The following ATP1A3 variants were observed in gnomAD, a reference collection of about 807,000 sequenced individuals.
ATP1A3 encodes the protein sodium/potassium-transporting ATPase subunit alpha-3.
ATP1A3 carries 12 observed loss-of-function variants against 108.8 expected under a neutral mutation model. That is an observed-to-expected ratio of 0.11 (90% CI 0.07 to 0.18). The LOEUF is 0.18. ATP1A3 is among the 10% of genes least tolerant of loss of function. The pLI is 1.00. For synonymous variants in ATP1A3, 539 were observed against 564.5 expected (o/e 0.95, Z 0.64); for missense variants, 498 against 1,387.7 (o/e 0.36, Z 10.19).
rs112869457 is a variant in ATP1A3 at position 41,988,633 on chromosome 19, C to T, written c.7-71G>A. 1.3e-5 allele frequency: 21 copies of T among 1,612,196 alleles called. No homozygotes were observed. Among genetic ancestry groups the T allele is most frequent in the Middle Eastern group, 1.7e-4 (1 of 6,058 alleles). On this transcript the variant is annotated intron_variant, in intron 1 of 22. Coordinates refer to ENST00000648268, the MANE Select transcript of ATP1A3 (RefSeq NM_152296.5). The surrounding 1 kb of genome is among the most constrained non-coding windows in gnomAD (Gnocchi z 5.3). ...GCGAGAAGGGGTTCCAGGAGGACAC[C>T]GGCCCTCCATGCCCCAGCTATCCTC...
chr19:41,969,067 C>T (rs1232593111), intron 19 of ATP1A3, 152 bp from the exon 20 acceptor site: 2 of 1,203,580 alleles, frequency 1.7e-6, no homozygotes, highest in East Asian at 2.5e-5. Context: ...CTCATAGTCC[C>T]GAGGGAGGAG....
At chr19:41,992,577 G>A (rs978543594) in intron 1 of ATP1A3, among the ~76,000 whole-genome samples, 1 of 151,990 alleles carries the variant, frequency 6.6e-6, no homozygotes, top group Admixed American at 6.6e-5. Context: ...CTGTCCCTCA[G>A]GCTGACTGTG....
intron 4 of ATP1A3, 88 bp downstream of exon 4, chr19:41,987,848 A>C: frequency 6.7e-7 from 1 of 1,502,258 alleles, no homozygotes; most frequent in Non-Finnish European, 9.2e-7. Context: ...TGGGCTGTGA[A>C]AAGCTTAGAG....
In ATP1A3 at chr19:41,968,985, T is replaced by A; in HGVS notation, c.2689-70A>T. 1.2e-6 allele frequency: 2 copies of A among 1,608,114 alleles called. No individual in the cohort carries two copies. The highest frequency in any genetic ancestry group is 2.7e-5 in the African/African-American group (2 of 74,942). On this transcript the variant is annotated intron_variant, in intron 19 of 22. Transcript: ENST00000648268. The surrounding 1 kb of genome is among the most constrained non-coding windows in gnomAD (Gnocchi z 5.0). Reference sequence around the variant, plus strand: ...TGCAGCCCTAGCCGCCACCCCGACGTTCCGGTGCTCTTTGCCCCGCCCCAT... The same window carrying A: ...TGCAGCCCTAGCCGCCACCCCGACGATCCGGTGCTCTTTGCCCCGCCCCAT...
Position 41,981,999 on chromosome 19 carries a change from C to T in ATP1A3, c.1101G>A (p.Lys367=), listed in dbSNP as rs1555863677. 1 of 1,614,220 alleles carries T rather than the reference C, an allele frequency of 6.2e-7. No individual in the cohort carries two copies. Among genetic ancestry groups the T allele is most frequent in the South Asian group, 1.1e-5 (1 of 91,088 alleles). ...LGSTSTICSD[K]TGTLTQNRMT... ...TGCGGTTCTGAGTGAGGGTCCCTGT[C>T]TTATCTGAGCAGATGGTGGACGTGG... Residue 367 remains lysine, a synonymous_variant, in exon 9 of 23, where the codon AAG becomes AAA. Transcript: ENST00000648268. This position sits in a 1 kb window ranked among gnomAD's most constrained non-coding sequence, Gnocchi z 5.0.
At chr19:41,984,746 T>A (rs1215761038) in intron 8 of ATP1A3, 172 bp downstream of exon 8, 2 of 758,908 alleles carry the variant, frequency 2.6e-6, no homozygotes, top group Admixed American at 3.0e-5. Flanking sequence ...CAGCCCCTTC[T>A]CCGGACCCAG....
At chr19:41,972,987 A>G (rs1028165736) in intron 16 of ATP1A3, among the ~76,000 whole-genome samples, 1 of 152,312 alleles carries the variant, frequency 6.6e-6, no homozygotes, top group African/African-American at 2.4e-5. Flanking sequence ...TTGCATAGCA[A>G]TAAGGGCCTG....
chr19:41,983,994 C>T lies in ATP1A3; in HGVS notation c.993+924G>A, dbSNP rs111405194. 2.9e-3 allele frequency among the ~76,000 whole-genome samples: 439 copies of T among 151,458 alleles called. 5 individuals carry two copies. The highest frequency in any genetic ancestry group is 0.01 in the African/African-American group (417 of 41,328). Reference sequence around the variant, plus strand: ...TTTGCCATGTTGGCCAGTCTGGTCTCGAACTCCTGACCTCAGGTGATCCAC... The same window carrying T: ...TTTGCCATGTTGGCCAGTCTGGTCTTGAACTCCTGACCTCAGGTGATCCAC... On this transcript the variant is annotated intron_variant, in intron 8 of 22. Coordinates refer to ENST00000648268, the MANE Select transcript of ATP1A3 (RefSeq NM_152296.5).
Position 41,978,405 on chromosome 19 carries a change from C to G in ATP1A3, c.1631-79G>C. Reference sequence around the variant, plus strand: ...CCATGCCCCTAGATGTCTGCATCGCCCGCATTCCATCTCCCCATCAGCAAG... The same window carrying G: ...CCATGCCCCTAGATGTCTGCATCGCGCGCATTCCATCTCCCCATCAGCAAG... On this transcript the variant is annotated intron_variant, in intron 12 of 22. Transcript: ENST00000648268. The surrounding 1 kb of genome is among the most constrained non-coding windows in gnomAD (Gnocchi z 8.3). 1 of 1,521,012 alleles carries G rather than the reference C, an allele frequency of 6.6e-7. No homozygotes were observed. The highest frequency in any genetic ancestry group is 8.9e-7 in the Non-Finnish European group (1 of 1,124,758). The allele number at this position is 1,521,012 out of a possible 1,614,324, so 94.2% of individuals were successfully genotyped here. A position where few individuals can be genotyped will look rare whatever the true frequency, so the allele number is the denominator to read the frequency against.
Position 41,978,846 on chromosome 19 carries a change from G to T in ATP1A3, c.1438-48C>A. ...CGTGCCTGAGCCACGCAGACACCAG[G>T]AAGCTCCCTGCCCCATCCTGTCCCC... On this transcript the variant is annotated intron_variant, in intron 11 of 22. Transcript: ENST00000648268. This position sits in a 1 kb window ranked among gnomAD's most constrained non-coding sequence, Gnocchi z 8.3. 1.9e-6 allele frequency: 3 copies of T among 1,600,276 alleles called. No homozygotes were observed. The highest frequency in any genetic ancestry group is 1.7e-6 in the Non-Finnish European group (2 of 1,169,528).
In ATP1A3 at chr19:41,970,585, G is replaced by T. The variant is rs782693443; in HGVS notation, c.2264-43C>A. The T allele has an allele frequency of 2.5e-6, 4 of 1,601,450 alleles. No homozygotes were observed. In the South Asian group the frequency reaches 4.4e-5, roughly 18 times the overall value. ...TCAGAGCAGGCGCCCATGCCAGGGA[G>T]CCCCACTCCCTCTGCCCCTCCTCTG... On this transcript the variant is annotated intron_variant, in intron 16 of 22. Coordinates refer to ENST00000648268, the MANE Select transcript of ATP1A3 (RefSeq NM_152296.5).
At chr19:41,986,544 C>A in intron 4 of ATP1A3, 1 of 336,254 alleles carries the variant, frequency 3.0e-6, no homozygotes, top group South Asian at 2.4e-5. Context: ...CTGGTTCAAG[C>A]GATCCTCCTG....
rs1170354323 is a variant in ATP1A3 at position 41,968,796 on chromosome 19, C to T, written c.2808G>A (p.Gln936=). The T allele has an allele frequency of 3.1e-6, 5 of 1,613,954 alleles. No individual in the cohort carries two copies. The highest frequency in any genetic ancestry group is 1.6e-4 in the Middle Eastern group (1 of 6,082). ...CCCCCGGCCCTCACTTCATGCCCTG[C>T]TGGAAGACCGAGTTCCTCCGGGTCT... ...ICKTRRNSVF[Q]QGMKNKILIF... is the part of the protein sequence containing the mutation. Residue 936 remains glutamine, a synonymous_variant, in exon 20 of 23, where the codon CAG becomes CAA. Coordinates refer to ENST00000648268, the MANE Select transcript of ATP1A3 (RefSeq NM_152296.5). This position sits in a 1 kb window ranked among gnomAD's most constrained non-coding sequence, Gnocchi z 5.0.
chr19:41,983,220 G>A (rs1370040877), intron 8 of ATP1A3, among the ~76,000 whole-genome samples: 1 of 151,972 alleles, frequency 6.6e-6, no homozygotes, highest in Non-Finnish European at 1.5e-5. Flanking sequence ...TGGGATTACA[G>A]GCGCCCACCA....
In ATP1A3 at chr19:41,968,883, G is replaced by A; in HGVS notation, c.2721C>T (p.Thr907=). The A allele has an allele frequency of 6.2e-7, 1 of 1,614,082 alleles. No individual in the cohort carries two copies. The highest frequency in any genetic ancestry group is 8.5e-7 in the Non-Finnish European group (1 of 1,179,944). Residue 907 remains threonine, a synonymous_variant, in exon 20 of 23, where the codon ACC becomes ACT. Coordinates refer to ENST00000648268, the MANE Select transcript of ATP1A3 (RefSeq NM_152296.5). The surrounding 1 kb of genome is among the most constrained non-coding windows in gnomAD (Gnocchi z 5.0). The part of the protein sequence containing the change: ...TYEQRKVVEF[T]CHTAFFVSIV... The stretch of plus-strand genomic sequence containing the variant: ...TGCTCACAAAGAAGGCCGTGTGGCA[G>A]GTGAACTCCACCACCTTCCTCTGCT...
chr19:41,981,952 A>C lies in ATP1A3; in HGVS notation c.1148T>G (p.Phe383Cys). Reference protein sequence around the residue: ...QNRMTVAHMWFDNQIHEADTT... With the variant: ...QNRMTVAHMWCDNQIHEADTT... ...GTCAGCCTCGTGGATCTGGTTGTCA[A>C]ACCACATGTGGGCGACTGTCATGCG... Residue 383 changes from phenylalanine (F) to cysteine (C), a missense_variant, in exon 9 of 23, where the codon TTT (phenylalanine) becomes TGT (cysteine). Phe to Cys is a radical substitution (Grantham distance 205). Coordinates refer to ENST00000648268, the MANE Select transcript of ATP1A3 (RefSeq NM_152296.5). This position sits in a 1 kb window ranked among gnomAD's most constrained non-coding sequence, Gnocchi z 5.0. The C allele has an allele frequency of 6.2e-7, 1 of 1,614,174 alleles. No homozygotes were observed. Among genetic ancestry groups the C allele is most frequent in the Non-Finnish European group, 8.5e-7 (1 of 1,180,040 alleles).
chr19:41,970,053 T>C lies in ATP1A3; in HGVS notation c.2542+132A>G. The C allele has an allele frequency of 3.5e-6, 5 of 1,444,602 alleles. No homozygotes were observed. The South Asian group carries it at 4.7e-5, about 14-fold the overall frequency. 89.5% of individuals were successfully genotyped at this position (1,444,602 alleles called of 1,614,324 possible). A position where few individuals can be genotyped will look rare whatever the true frequency, so the allele number is the denominator to read the frequency against. On this transcript the variant is annotated intron_variant, in intron 18 of 22. Coordinates refer to ENST00000648268, the MANE Select transcript of ATP1A3 (RefSeq NM_152296.5). ...ATGGGGTGCAGACCCCCCCCACAGA[T>C]AGCTCACTGGTTGGTCCTGCCCACG... is the stretch of plus-strand genomic sequence containing the variant.
At chr19:41,987,879 G>T in intron 4 of ATP1A3, 57 bp downstream of exon 4, 2 of 1,588,542 alleles carry the variant, frequency 1.3e-6, no homozygotes, top group Non-Finnish European at 8.6e-7. Context: ...AAGTTGGGGT[G>T]CGGTGTCCGT....
intron 1 of ATP1A3, chr19:41,990,955 G>A (rs2145989216): frequency 6.6e-6 from 1 of 152,374 alleles, no homozygotes; most frequent in African/African-American, 2.4e-5. Context: ...CCATGTGTTG[G>A]GCCCATGGAG....
Sources: allele counts gnomAD v4.1 joint callset (sites outside exome capture counted in the v4.1 genomes callset), GRCh38; gene constraint gnomAD v4.1.1; non-coding constraint Gnocchi (gnomAD v3.1); transcripts MANE v1.5; gene names NCBI Gene and HGNC (gene_info 2026-07-23, HGNC 2026-07-21).